The following CCDC7 variants were observed in gnomAD, a reference collection of about 807,000 sequenced individuals.
CCDC7 encodes the protein coiled-coil domain-containing protein 7.
Under a neutral mutation model 196.9 loss-of-function variants are expected in CCDC7, and 183 were observed. The observed-to-expected ratio is 0.93, with a 90% CI of 0.82 to 1.05. The LOEUF is 1.05. CCDC7 is among the 50% of genes least tolerant of loss of function. The probability of loss-of-function intolerance (pLI) is 0.00; values close to 1 mark genes in which losing one functional copy is unlikely to be tolerated. For missense variants in CCDC7, 1,540 were observed against 1,482.2 expected, an observed-to-expected ratio of 1.04 and a Z score of -0.64; for synonymous variants, 525 against 484.6, an observed-to-expected ratio of 1.08 and a Z score of -1.10.
intron 18 of CCDC7, among the ~76,000 whole-genome samples, chr10:32,627,090 G>C (rs1350141585): frequency 6.6e-6 from 1 of 151,358 alleles, no homozygotes; most frequent in Non-Finnish European, 1.5e-5. Context: ...TCTGTGAAAA[G>C]TGACATTGGA....
chr10:32,804,349 C>T (rs1170280936), intron 29 of CCDC7, among the ~76,000 whole-genome samples: 1 of 152,160 alleles, frequency 6.6e-6, no homozygotes, highest in African/African-American at 2.4e-5. Flanking sequence ...CAATTTTACT[C>T]CTTGTATTTC....
chr10:32,732,596 A>C (rs563905415), intron 28 of CCDC7, among the ~76,000 whole-genome samples: 4 of 151,914 alleles, frequency 2.6e-5, no homozygotes, highest in Admixed American at 6.6e-5. Flanking sequence ...GCTTTTTTTT[A>C]TATACATACA....
intron 16 of CCDC7, among the ~76,000 whole-genome samples, chr10:32,577,213 T>A (rs1007008088): frequency 1.3e-5 from 2 of 151,956 alleles, no homozygotes; most frequent in Admixed American, 6.6e-5. Context: ...AATACAAAAA[T>A]TAGCTGGGCA....
At chr10:32,862,552 T>TATA (rs2094039823) in intron 41 of CCDC7, among the ~76,000 whole-genome samples, 2 of 149,270 alleles carry the variant, frequency 1.3e-5, no homozygotes, top group South Asian at 4.3e-4. Flanking sequence ...GAACTTAAGG[T>TATA]ATAATAATAA....
chr10:32,555,166 G>T (rs2054145996), intron 13 of CCDC7, among the ~76,000 whole-genome samples: 2 of 152,082 alleles, frequency 1.3e-5, no homozygotes, highest in Admixed American at 1.3e-4. Context: ...TGGGAGTGCA[G>T]ATATCTTTTT....
Position 32,729,422 on chromosome 10 carries a change from C to CGAAGAAACTTCAAGCT in CCDC7, c.2871_2886dup (p.Lys963GlufsTer6), listed in dbSNP as rs537614007. On this transcript the variant is annotated frameshift_variant, in exon 28 of 42. Transcript: ENST00000639629. LOFTEE classifies it high-confidence loss of function. ...TTATTATCAAGAAGCGAATCTCAAA[C>CGAAGAAACTTCAAGCT]GAAGAAACTTCAAGCTAAAGTAACT... 2.3e-5 allele frequency: 33 copies of CGAAGAAACTTCAAGCT among 1,415,014 alleles called. No individual in the cohort carries two copies. In the African/African-American group the frequency reaches 4.5e-4, roughly 19 times the overall value. 87.7% of individuals were successfully genotyped at this position (1,415,014 alleles called of 1,614,324 possible). A position where few individuals can be genotyped will look rare whatever the true frequency, so the allele number is the denominator to read the frequency against.
chr10:32,572,322 T>C (rs2057675465), intron 16 of CCDC7, among the ~76,000 whole-genome samples: 1 of 152,152 alleles, frequency 6.6e-6, no homozygotes, highest in South Asian at 2.1e-4. Context: ...AATAATTGAG[T>C]TGATTGATTC....
intron 9 of CCDC7, among the ~76,000 whole-genome samples, chr10:32,504,075 C>T: frequency 6.7e-6 from 1 of 148,820 alleles, no homozygotes; most frequent in African/African-American, 2.5e-5. Context: ...GTTTTGTTAA[C>T]CTTTTCTATT....
At chr10:32,541,250 G>C (rs1343959999) in intron 11 of CCDC7, among the ~76,000 whole-genome samples, 2 of 151,894 alleles carry the variant, frequency 1.3e-5, no homozygotes, top group Non-Finnish European at 1.5e-5. Flanking sequence ...GGGTGGGCGA[G>C]GATGCCTGCT....
intron 21 of CCDC7, among the ~76,000 whole-genome samples, chr10:32,678,183 T>C (rs892396107): frequency 1.3e-5 from 2 of 152,110 alleles, no homozygotes; most frequent in Non-Finnish European, 2.9e-5. Flanking sequence ...TTTAAGGCCA[T>C]TATTTTTATG....
At chr10:32,615,790 T>C (rs941613473) in intron 18 of CCDC7, among the ~76,000 whole-genome samples, 1 of 152,136 alleles carries the variant, frequency 6.6e-6, no homozygotes, top group African/African-American at 2.4e-5. Context: ...TCTTCTAGGA[T>C]ATTTATAATG....
At chr10:32,725,315 C>A in intron 25 of CCDC7, 1 of 470,814 alleles carries the variant, frequency 2.1e-6, no homozygotes, top group South Asian at 1.5e-5. Context: ...ACTACAAAAA[C>A]AAACCTACTA....
chr10:32,807,479 TG>T (rs964360795), intron 30 of CCDC7, among the ~76,000 whole-genome samples: 7 of 151,954 alleles, frequency 4.6e-5, no homozygotes, highest in Non-Finnish European at 1.0e-4. Context: ...AAAACAAATT[TG>T]GGAATTGATA....
At chr10:32,817,682 T>A (rs2135492830) in intron 31 of CCDC7, among the ~76,000 whole-genome samples, 1 of 152,332 alleles carries the variant, frequency 6.6e-6, no homozygotes, top group Admixed American at 6.5e-5. Context: ...GGGCCAATAT[T>A]CAACATTCTT....
exon 1 of CCDC7, chr10:32,451,675 T>C (rs758154744): frequency 6.2e-7 from 1 of 1,612,004 alleles, no homozygotes; most frequent in South Asian, 1.1e-5. Context: ...TGACCACCAG[T>C]AACAAATCGG....
intron 11 of CCDC7, among the ~76,000 whole-genome samples, chr10:32,540,928 T>C (rs1002979809): frequency 6.6e-5 from 10 of 152,158 alleles, no homozygotes; most frequent in African/African-American, 2.4e-4. Flanking sequence ...TCTAGCGAGG[T>C]TGGGTAAGTG....
chr10:32,849,857 A>C (rs1041027671), intron 39 of CCDC7, among the ~76,000 whole-genome samples: 1 of 152,170 alleles, frequency 6.6e-6, no homozygotes, highest in African/African-American at 2.4e-5. Context: ...CCATACGCAG[A>C]ACTGAAGGAG....
intron 18 of CCDC7, among the ~76,000 whole-genome samples, chr10:32,604,762 T>A (rs1298388394): frequency 2.0e-5 from 3 of 152,194 alleles, no homozygotes; most frequent in Non-Finnish European, 2.9e-5. Flanking sequence ...TGATTTTTTT[T>A]ATGTTGACTT....
chr10:32,465,854 T>G (rs2036659000), intron 5 of CCDC7, among the ~76,000 whole-genome samples: 1 of 152,220 alleles, frequency 6.6e-6, no homozygotes, highest in African/African-American at 2.4e-5. Context: ...TCTCTTCTAG[T>G]GTTCCCTATC....
Sources: gnomAD v4.1 joint callset for allele counts (sites outside exome capture counted in the v4.1 genomes callset) on GRCh38, gnomAD v4.1.1 for gene constraint, MANE v1.5 for transcripts, NCBI Gene and HGNC (gene_info 2026-07-23, HGNC 2026-07-21) for gene names.